MACF1: variants seen among roughly 807,000 people sequenced by gnomAD.
The protein encoded by MACF1 is microtubule-actin cross-linking factor 1.
A neutral mutation model predicts 854.8 loss-of-function variants in MACF1; 193 were observed. The observed-to-expected ratio is 0.23, with a 90% confidence interval of 0.20 to 0.25. MACF1 has a LOEUF of 0.25. MACF1 is among the 10% of genes least tolerant of loss of function. The pLI is 1.00. For synonymous variants in MACF1, 3,185 were observed against 3,226.7 expected (o/e 0.99, Z 0.44); for missense variants, 7,722 against 8,929.1 (o/e 0.86, Z 5.45).
intron 58 of MACF1, among the ~76,000 whole-genome samples, chr1:39,391,217 A>C (rs1391625793): frequency 2.6e-5 from 4 of 152,136 alleles, no homozygotes; most frequent in Non-Finnish European, 4.4e-5. Flanking sequence ...ATTATGCATA[A>C]GTTTTTTTTA....
At chr1:39,279,936 G>C (rs1984142) in intron 6 of MACF1, among the ~76,000 whole-genome samples, 91,288 of 152,064 alleles carry the variant, frequency 0.6, 29,468 homozygotes, top group South Asian at 0.78. Context: ...AGAAGAGTAG[G>C]AAGAAAAACT....
chr1:39,235,609 T>G (rs1644851724), intron 2 of MACF1, among the ~76,000 whole-genome samples: 2 of 152,234 alleles, frequency 1.3e-5, no homozygotes, highest in Non-Finnish European at 2.9e-5. Flanking sequence ...CTTCTCCATC[T>G]CCATATCGCT....
chr1:39,292,876 CAT>C (rs757535247), intron 17 of MACF1, 33 bp downstream of exon 17: 1 of 1,556,388 alleles, frequency 6.4e-7, no homozygotes, highest in South Asian at 1.2e-5. Flanking sequence ...ACATTCTGCT[CAT>C]AGAGTCTGGT....
intron 2 of MACF1, among the ~76,000 whole-genome samples, chr1:39,175,505 G>A (rs1226130802): frequency 6.6e-6 from 1 of 152,110 alleles, no homozygotes; most frequent in Admixed American, 6.6e-5. Flanking sequence ...CTTCACTTTG[G>A]TGTAAAACCT....
At chr1:39,290,374 C>A (rs1270006586) in intron 15 of MACF1, among the ~76,000 whole-genome samples, 1 of 152,114 alleles carries the variant, frequency 6.6e-6, no homozygotes, top group African/African-American at 2.4e-5. Context: ...GTTCTCTATT[C>A]TGTTCCATTG....
chr1:39,385,756 A>T lies in MACF1; in HGVS notation c.14171A>T (p.Glu4724Val). 1 of 1,614,138 alleles carries T rather than the reference A, an allele frequency of 6.2e-7. No homozygotes were observed. The highest frequency in any genetic ancestry group is 1.1e-5 in the South Asian group (1 of 91,080). Residue 4724 changes from glutamate to valine, a missense_variant, in exon 57 of 101, where the codon GAA becomes GTA. Coordinates refer to ENST00000564288, the MANE Select transcript of MACF1 (RefSeq NM_001394062.1). ...CCAGAGGCTGTAAAGCAGCAATTGGAAGAGACCAGTGAAATTCGATCTGAC... is the reference window on the plus strand; with the variant it reads ...CCAGAGGCTGTAAAGCAGCAATTGGTAGAGACCAGTGAAATTCGATCTGAC... ...TQPEAVKQQL[E>V]ETSEIRSDLE...
intron 2 of MACF1, among the ~76,000 whole-genome samples, chr1:39,189,117 A>G (rs1271123422): frequency 6.6e-6 from 1 of 152,144 alleles, no homozygotes; most frequent in Non-Finnish European, 1.5e-5. Flanking sequence ...AAGACTTCCA[A>G]CCAATCTTGT....
chr1:39,379,499 C>T lies in MACF1; in HGVS notation c.13518+55C>T. ...CACCAAGAGGAAGAGACAGCTGTAC[C>T]AGTGTTCCTGCCCAAGCCCAGGTAT... On this transcript the variant is annotated intron_variant, in intron 54 of 100. Transcript: ENST00000564288. 9 of 1,552,946 alleles carry T rather than the reference C, an allele frequency of 5.8e-6. No homozygotes were observed. The South Asian group carries it at 1.1e-4, about 20-fold the overall frequency.
chr1:39,435,252 T>C (rs1420826610), intron 69 of MACF1, among the ~76,000 whole-genome samples: 1 of 152,156 alleles, frequency 6.6e-6, no homozygotes, highest in Non-Finnish European at 1.5e-5. Context: ...TACTTATGAT[T>C]ACAGAAGAGT....
intron 31 of MACF1, among the ~76,000 whole-genome samples, chr1:39,321,964 A>G (rs1646523151): frequency 6.6e-6 from 1 of 152,206 alleles, no homozygotes; most frequent in Admixed American, 6.5e-5. Flanking sequence ...AGTACCTAAG[A>G]GGCTACCGCA....
intron 58 of MACF1, chr1:39,411,475 A>G (rs1242671337): frequency 6.2e-7 from 1 of 1,613,672 alleles, no homozygotes; most frequent in East Asian, 2.2e-5. Context: ...ACAGCCAGCC[A>G]AGGACCAGTT....
At chr1:39,343,974 G>C (rs1315952962) in intron 40 of MACF1, among the ~76,000 whole-genome samples, 8 of 152,046 alleles carry the variant, frequency 5.3e-5, no homozygotes, top group Admixed American at 5.2e-4. Flanking sequence ...AGTTAGCCAG[G>C]CGTGGTGGCA....
intron 23 of MACF1, among the ~76,000 whole-genome samples, chr1:39,306,929 G>A (rs1178551348): frequency 6.6e-6 from 1 of 151,192 alleles, no homozygotes; most frequent in Non-Finnish European, 1.5e-5. Flanking sequence ...AGGCTGGAGT[G>A]GAGTGCATGG....
intron 31 of MACF1, among the ~76,000 whole-genome samples, chr1:39,320,153 G>T (rs543410592): frequency 7.2e-5 from 11 of 151,918 alleles, no homozygotes; most frequent in African/African-American, 2.7e-4. Flanking sequence ...TATATTCTCC[G>T]TTGGCTCTTG....
At chr1:39,115,341 G>A (rs1642517362) in intron 2 of MACF1, among the ~76,000 whole-genome samples, 1 of 152,064 alleles carries the variant, frequency 6.6e-6, no homozygotes, top group Admixed American at 6.6e-5. Context: ...AAATGTGAAG[G>A]GGTAACATCC....
Position 39,473,925 on chromosome 1 carries a change from ACT to A in MACF1, c.21958+4313_21958+4314del, listed in dbSNP as rs369791649. On this transcript the variant is annotated intron_variant, in intron 97 of 100. Transcript: ENST00000564288. ...TGAGAGAGCAAGAGGGGAAGAGATGACTCTGCCCATGAAGATGGAGAAGGTAT... is the reference window on the plus strand; with the variant it reads ...TGAGAGAGCAAGAGGGGAAGAGATGACTGCCCATGAAGATGGAGAAGGTAT... 6.4e-4 allele frequency among the ~76,000 whole-genome samples: 98 copies of A among 152,244 alleles called. 1 individual carries two copies. In the East Asian group the frequency reaches 0.018, roughly 28 times the overall value.
intron 14 of MACF1, among the ~76,000 whole-genome samples, chr1:39,286,618 C>T (rs1428908106): frequency 6.6e-6 from 1 of 150,988 alleles, no homozygotes; most frequent in Non-Finnish European, 1.5e-5. Context: ...AGGAGTGCAC[C>T]ACCATGCCCA....
chr1:39,292,888 T>C (rs375631028), intron 17 of MACF1, 45 bp downstream of exon 17: 7 of 1,491,610 alleles, frequency 4.7e-6, no homozygotes, highest in Non-Finnish European at 6.5e-6. Flanking sequence ...TAGAGTCTGG[T>C]TCCCCCCAAT....
At chr1:39,145,298 A>T (rs983998702) in intron 2 of MACF1, among the ~76,000 whole-genome samples, 8 of 152,236 alleles carry the variant, frequency 5.3e-5, no homozygotes, top group Admixed American at 3.3e-4. Flanking sequence ...TAAACTCTCA[A>T]TAAGTAATTT....
Sources: allele counts gnomAD v4.1 joint callset (sites outside exome capture counted in the v4.1 genomes callset), GRCh38; gene constraint gnomAD v4.1.1; transcripts MANE v1.5; gene names NCBI Gene and HGNC (gene_info 2026-07-23, HGNC 2026-07-21).